TENM3: variants seen among roughly 807,000 people sequenced by gnomAD.
TENM3 encodes the protein teneurin-3.
A neutral mutation model predicts 255.1 loss-of-function variants in TENM3; 63 were observed. That is an observed-to-expected ratio of 0.25 (90% CI 0.20 to 0.30). The LOEUF (loss-of-function observed/expected upper bound fraction) is 0.30, where lower values mean the gene tolerates loss of function less well. Among genes scored for constraint, TENM3 ranks in the 10% least tolerant of loss-of-function variants. The pLI is 1.00. For synonymous variants in TENM3, 1,306 were observed against 1,322.3 expected (o/e 0.99, Z 0.27); for missense variants, 2,929 against 3,461.1 (o/e 0.85, Z 3.86).
chr4:182,722,877 G>T (rs1333204892), intron 13 of TENM3, among the ~76,000 whole-genome samples: 1 of 152,050 alleles, frequency 6.6e-6, no homozygotes, highest in Non-Finnish European at 1.5e-5. Flanking sequence ...TTGAGATGAA[G>T]AAAAGAAGCA....
At chr4:181,703,167 C>T in the TENM3 span, among the ~76,000 whole-genome samples, 1 of 152,194 alleles carries the variant, frequency 6.6e-6, no homozygotes, top group East Asian at 1.9e-4. Flanking sequence ...CACTAAAGGA[C>T]ACTGCCCCGA....
At chr4:182,299,912 C>CTT (rs796408014) in intron 1 of TENM3, among the ~76,000 whole-genome samples, 2,706 of 143,144 alleles carry the variant, frequency 0.019, 92 homozygotes, top group African/African-American at 0.066. Flanking sequence ...TCAAGTAGAT[C>CTT]TTTTTTTTTT....
the TENM3 span, among the ~76,000 whole-genome samples, chr4:182,104,663 C>T: frequency 6.6e-6 from 1 of 151,954 alleles, no homozygotes; most frequent in Non-Finnish European, 1.5e-5. Flanking sequence ...TGGCACCTGT[C>T]ACCACGCCTA....
intron 3 of TENM3, among the ~76,000 whole-genome samples, chr4:182,366,297 T>C (rs1441663989): frequency 6.6e-6 from 1 of 151,888 alleles, no homozygotes; most frequent in Non-Finnish European, 1.5e-5. Context: ...TGGCCTCTCA[T>C]GCTTAAAAAT....
At chr4:182,012,680 G>C in the TENM3 span, 1 of 152,110 alleles carries the variant, frequency 6.6e-6, no homozygotes, top group Non-Finnish European at 1.5e-5. Flanking sequence ...AAACATTCTT[G>C]CTCCCTTCGG....
At chr4:182,536,436 T>A (rs1420711658) in intron 3 of TENM3, among the ~76,000 whole-genome samples, 1 of 152,252 alleles carries the variant, frequency 6.6e-6, no homozygotes, top group Non-Finnish European at 1.5e-5. Flanking sequence ...CATGCCATGC[T>A]TTTTAGCTTC....
intron 1 of TENM3, among the ~76,000 whole-genome samples, chr4:182,215,720 C>T (rs892609871): frequency 6.6e-6 from 1 of 152,124 alleles, no homozygotes; most frequent in Non-Finnish European, 1.5e-5. Context: ...TGTTCACACA[C>T]GGGTCTTTTT....
At chr4:181,784,960 A>G in the TENM3 span, among the ~76,000 whole-genome samples, 1 of 152,254 alleles carries the variant, frequency 6.6e-6, no homozygotes. Context: ...AATGACATAC[A>G]CTTCTGAAAT....
At chr4:182,051,380 T>G in the TENM3 span, among the ~76,000 whole-genome samples, 3 of 16,726 alleles carry the variant, frequency 1.8e-4, no homozygotes, top group Non-Finnish European at 3.9e-4. Flanking sequence ...TTTCCTCTCT[T>G]TTTTTTTTTT....
chr4:181,488,997 T>G, the TENM3 span, among the ~76,000 whole-genome samples: 1 of 152,202 alleles, frequency 6.6e-6, no homozygotes, highest in African/African-American at 2.4e-5. Flanking sequence ...CAAGGTCCTC[T>G]GAGCCTTGCA....
the TENM3 span, among the ~76,000 whole-genome samples, chr4:181,707,403 T>G: frequency 6.6e-6 from 1 of 152,192 alleles, no homozygotes; most frequent in African/African-American, 2.4e-5. Context: ...AACACCATCT[T>G]TAGAGACTCG....
Position 182,800,427 on chromosome 4 carries a change from A to G in TENM3, c.*76A>G. On this transcript the variant is annotated 3_prime_UTR_variant, in exon 28 of 28. Coordinates refer to ENST00000511685, the MANE Select transcript of TENM3 (RefSeq NM_001080477.4). ...TGGCACAACCCGAGTGGGACTCTCC[A>G]ACGCCCAAGAGCCTTCCTCCCGGGG... The G allele has an allele frequency of 6.9e-7, 1 of 1,455,190 alleles. No homozygotes were observed. The highest frequency in any genetic ancestry group is 9.1e-7 in the Non-Finnish European group (1 of 1,101,480). 90.1% of individuals were successfully genotyped at this position (1,455,190 alleles called of 1,614,324 possible). A position where few individuals can be genotyped will look rare whatever the true frequency, so the allele number is the denominator to read the frequency against.
At chr4:181,734,593 A>G in the TENM3 span, among the ~76,000 whole-genome samples, 5 of 152,180 alleles carry the variant, frequency 3.3e-5, no homozygotes, top group African/African-American at 9.7e-5. Context: ...CAATTTTCAA[A>G]GAGATTCATA....
the TENM3 span, among the ~76,000 whole-genome samples, chr4:181,794,301 C>T: frequency 6.6e-6 from 1 of 151,016 alleles, no homozygotes; most frequent in Non-Finnish European, 1.5e-5. Flanking sequence ...GTGGTGAGAA[C>T]AGTTAAGATC....
chr4:182,106,181 G>A, the TENM3 span, among the ~76,000 whole-genome samples: 1 of 152,160 alleles, frequency 6.6e-6, no homozygotes, highest in Admixed American at 6.5e-5. Context: ...GTTAAATCCT[G>A]CGGGGCACGG....
At chr4:182,534,236 C>G (rs976831336) in intron 3 of TENM3, among the ~76,000 whole-genome samples, 4 of 152,088 alleles carry the variant, frequency 2.6e-5, no homozygotes, top group African/African-American at 7.2e-5. Flanking sequence ...GGAGAACCGA[C>G]CCAGAATGGA....
At chr4:182,063,414 G>C in the TENM3 span, among the ~76,000 whole-genome samples, 7 of 152,136 alleles carry the variant, frequency 4.6e-5, no homozygotes, top group Admixed American at 4.6e-4. Flanking sequence ...TCTCAATGTT[G>C]GTTCACGTAA....
intron 3 of TENM3, among the ~76,000 whole-genome samples, chr4:182,597,341 A>G (rs1747363734): frequency 6.6e-6 from 1 of 152,152 alleles, no homozygotes; most frequent in Non-Finnish European, 1.5e-5. Context: ...CATGGGAGGT[A>G]GACGCTGCAG....
the TENM3 span, among the ~76,000 whole-genome samples, chr4:181,739,369 G>A: frequency 4.3e-4 from 65 of 152,288 alleles, no homozygotes; most frequent in Non-Finnish European, 7.1e-4. Flanking sequence ...CCCTTGTATT[G>A]TCTGGAAGAG....
Sources: allele counts gnomAD v4.1 joint callset (sites outside exome capture counted in the v4.1 genomes callset), GRCh38; gene constraint gnomAD v4.1.1; transcripts MANE v1.5; gene names NCBI Gene and HGNC (gene_info 2026-07-23, HGNC 2026-07-21).